The following PDCD6IP variants were observed in gnomAD, a reference collection of about 807,000 sequenced individuals.
PDCD6IP encodes the protein programmed cell death 6-interacting protein.
In PDCD6IP, 43 loss-of-function variants were observed where a neutral mutation model predicts 103.7. The observed-to-expected ratio is 0.41, with a 90% CI of 0.32 to 0.53. The LOEUF (loss-of-function observed/expected upper bound fraction) is 0.53. Among genes scored for constraint, PDCD6IP ranks in the 20% least tolerant of loss-of-function variants. The probability of loss-of-function intolerance (pLI) is 0.16; values close to 1 mark genes in which losing one functional copy is unlikely to be tolerated. For missense variants in PDCD6IP, 871 were observed against 1,036.7 expected, an observed-to-expected ratio of 0.84 and a Z score of 2.20; for synonymous variants, 354 against 378.7, an observed-to-expected ratio of 0.93 and a Z score of 0.76.
At chr3:33,825,479 C>A in intron 5 of PDCD6IP, 139 bp downstream of exon 5, 1 of 667,606 alleles carries the variant, frequency 1.5e-6, no homozygotes, top group Non-Finnish European at 2.4e-6. Context: ...AAATTTTCAG[C>A]TATCCTTTTC....
At chr3:33,823,415 T>G (rs1263816152) in intron 4 of PDCD6IP, among the ~76,000 whole-genome samples, 4 of 152,150 alleles carry the variant, frequency 2.6e-5, no homozygotes, top group Non-Finnish European at 5.9e-5. Context: ...TGCCTTACAG[T>G]TTTGAATGGG....
intron 4 of PDCD6IP, among the ~76,000 whole-genome samples, chr3:33,823,412 C>T (rs1346850091): frequency 6.6e-6 from 1 of 152,178 alleles, no homozygotes; most frequent in Non-Finnish European, 1.5e-5. Context: ...GCTTGCCTTA[C>T]AGTTTTGAAT....
chr3:33,866,463 C>T lies in PDCD6IP; in HGVS notation c.2545C>T (p.Pro849Ser). ...QSPGQAPYPG[P>S]QQPSYPFPQP... ...TCCTGGACAGGCTCCATACCCGGGA[C>T]CCCAGCAGCCTTCATACCCCTTCCC... The change falls in exon 18 of 18, where the codon CCC becomes TCC. Residue 849 changes from proline to serine, a missense_variant. This residue lies in a region of PDCD6IP where 202 missense variants were observed against 205.2 expected (regional missense o/e 0.98). Transcript: ENST00000307296. 5 of 1,612,150 alleles carry T rather than the reference C, an allele frequency of 3.1e-6. No homozygotes were observed. Among genetic ancestry groups the T allele is most frequent in the Non-Finnish European group, 3.4e-6 (4 of 1,179,320 alleles).
intron 9 of PDCD6IP, 137 bp downstream of exon 9, chr3:33,838,464 T>C (rs1337026246): frequency 1.3e-6 from 1 of 762,612 alleles, no homozygotes; most frequent in Admixed American, 2.7e-5. Context: ...CTTACAACTA[T>C]TTTTGTTGGA....
chr3:33,865,522 T>C, intron 17 of PDCD6IP, 92 bp downstream of exon 17: 2 of 1,011,734 alleles, frequency 2.0e-6, no homozygotes, highest in Non-Finnish European at 2.8e-6. Flanking sequence ...CTTCTCCAAA[T>C]GGAGGTGTCA....
At chr3:33,840,594 T>C (rs894649382) in intron 9 of PDCD6IP, among the ~76,000 whole-genome samples, 8 of 152,258 alleles carry the variant, frequency 5.3e-5, no homozygotes, top group African/African-American at 1.9e-4. Context: ...ACAGAGCTTA[T>C]TTTCTGAGGA....
chr3:33,803,607 C>T (rs1201174871), intron 1 of PDCD6IP, among the ~76,000 whole-genome samples: 2 of 152,102 alleles, frequency 1.3e-5, no homozygotes, highest in Non-Finnish European at 2.9e-5. Context: ...TATCTTTTGT[C>T]ACATGGAAGT....
In PDCD6IP at chr3:33,798,884, C is replaced by T; in HGVS notation, c.156C>T (p.Ala52=). The change falls in exon 1 of 18, where the codon GCC becomes GCT. Residue 52 remains alanine (A), a synonymous_variant. Transcript: ENST00000307296. ...AGGAGCTCAGCAAGCTGCGCCGCGCCGCAGTCGGTCGTCCGCTGGACAAGC... is the reference window on the plus strand; with the variant it reads ...AGGAGCTCAGCAAGCTGCGCCGCGCTGCAGTCGGTCGTCCGCTGGACAAGC... The part of the protein sequence containing the change: ...AAEELSKLRR[A]AVGRPLDKHE... The T allele has an allele frequency of 6.5e-7, 1 of 1,547,982 alleles. No individual in the cohort carries two copies. The highest frequency in any genetic ancestry group is 2.5e-5 in the East Asian group (1 of 40,802).
chr3:33,865,427 C>T lies in PDCD6IP; in HGVS notation c.2429C>T (p.Pro810Leu), dbSNP rs1698043709. Residue 810 changes from proline (P) to leucine (L), a missense_variant, in exon 17 of 18, where the codon CCT becomes CTT. Around this residue, in one of 5 missense-constraint regions of PDCD6IP, gnomAD observed 202 missense variants for 205.2 expected, o/e 0.98. Coordinates refer to ENST00000307296, the MANE Select transcript of PDCD6IP (RefSeq NM_013374.6). ...GPPYPTYPGY[P>L]GYCQMPMPMG... The stretch of plus-strand genomic sequence containing the variant: ...CCCTATCCCACCTATCCAGGATATC[C>T]TGGGTAAGGCTGCAACATTGTGTAT... The T allele has an allele frequency of 1.3e-6, 2 of 1,581,354 alleles. No homozygotes were observed. Among genetic ancestry groups the T allele is most frequent in the Admixed American group, 3.7e-5 (2 of 54,170 alleles).
At chr3:33,817,668 G>A (rs1288896529) in intron 3 of PDCD6IP, among the ~76,000 whole-genome samples, 1 of 151,914 alleles carries the variant, frequency 6.6e-6, no homozygotes, top group Non-Finnish European at 1.5e-5. Context: ...TGAGAGGATT[G>A]CTTGAGCCTG....
chr3:33,844,176 G>A lies in PDCD6IP; in HGVS notation c.1424G>A (p.Arg475His). ...GATTTAAGAGCAAAATTTAAGGAAC[G>A]TTGGCAAAGGACACCATCCAATGAA... Reference protein sequence around the residue: ...DNDLRAKFKERWQRTPSNELY... With the variant: ...DNDLRAKFKEHWQRTPSNELY... The change falls in exon 11 of 18, where the codon CGT (arginine) becomes CAT (histidine). Residue 475 changes from arginine (R) to histidine (H), a missense_variant. Arg to His is a conservative substitution (Grantham distance 29). Coordinates refer to ENST00000307296, the MANE Select transcript of PDCD6IP (RefSeq NM_013374.6). 1.9e-6 allele frequency: 3 copies of A among 1,606,314 alleles called. No individual in the cohort carries two copies. The highest frequency in any genetic ancestry group is 1.7e-6 in the Non-Finnish European group (2 of 1,178,136).
chr3:33,812,003 C>T, intron 1 of PDCD6IP, 69 bp from the exon 2 acceptor site: 2 of 1,489,976 alleles, frequency 1.3e-6, no homozygotes, highest in Non-Finnish European at 1.8e-6. Flanking sequence ...TCATTTTAAA[C>T]CAGTTGTAAT....
intron 15 of PDCD6IP, among the ~76,000 whole-genome samples, chr3:33,860,244 A>C (rs1048044649): frequency 1.3e-5 from 2 of 152,208 alleles, no homozygotes; most frequent in Admixed American, 6.5e-5. Context: ...TTTTATTTAC[A>C]CTTGTCAAGT....
rs71805290 is a variant in PDCD6IP, at chr3:33,831,232, AACAC to A, written c.834+2281_834+2284del. ...AATACAGTTTTCAAAAAGATACAGAAACACACACACACACACACACAGATATAAA... is the reference window on the plus strand; with the variant it reads ...AATACAGTTTTCAAAAAGATACAGAAACACACACACACACACAGATATAAA... On this transcript the variant is annotated intron_variant, in intron 7 of 17. Transcript: ENST00000307296. Among the ~76,000 whole-genome samples the A allele has an allele frequency of 3.9e-3, 585 of 150,192 alleles. 5 individuals are homozygous for A. The highest frequency in any genetic ancestry group is 0.013 in the African/African-American group (530 of 41,014).
intron 6 of PDCD6IP, chr3:33,827,073 A>G: frequency 1.0e-6 from 1 of 985,402 alleles, no homozygotes. Flanking sequence ...AACAGGGATA[A>G]AAAATTGGGC....
chr3:33,858,257 G>C (rs1049338152), intron 15 of PDCD6IP, among the ~76,000 whole-genome samples: 2 of 152,134 alleles, frequency 1.3e-5, no homozygotes, highest in African/African-American at 2.4e-5. Context: ...CAAAAAGAAG[G>C]CTTGAGCAAG....
Position 33,856,504 on chromosome 3 carries a change from A to G in PDCD6IP, c.2120+1244A>G, listed in dbSNP as rs143241368. 1.3e-3 allele frequency among the ~76,000 whole-genome samples: 193 copies of G among 152,340 alleles called. 1 individual carries two copies. Among genetic ancestry groups the G allele is most frequent in the African/African-American group, 4.6e-3 (190 of 41,572 alleles). ...AAAATGGGCACAGAAGATCTAATAT[A>G]GGCAAAACTGAATTTCTCTCAGAAG... On this transcript the variant is annotated intron_variant, in intron 15 of 17. Coordinates refer to ENST00000307296, the MANE Select transcript of PDCD6IP (RefSeq NM_013374.6).
At chr3:33,823,607 C>A (rs747775693) in intron 4 of PDCD6IP, among the ~76,000 whole-genome samples, 2 of 152,062 alleles carry the variant, frequency 1.3e-5, no homozygotes, top group Non-Finnish European at 2.9e-5. Context: ...CATGGTGAAA[C>A]CCTGTCTGTA....
intron 13 of PDCD6IP, 141 bp downstream of exon 13, chr3:33,852,877 T>C (rs1697748992): frequency 1.9e-6 from 2 of 1,076,578 alleles, no homozygotes; most frequent in Non-Finnish European, 2.4e-6. Context: ...GTATATTTTG[T>C]AAAATTAAAC....
Sources: allele counts gnomAD v4.1 joint callset (sites outside exome capture counted in the v4.1 genomes callset), GRCh38; gene constraint gnomAD v4.1.1; regional missense constraint gnomAD v4.1.1; transcripts MANE v1.5; gene names NCBI Gene and HGNC (gene_info 2026-07-23, HGNC 2026-07-21).